BMP6: variants seen among roughly 807,000 people sequenced by gnomAD.
The protein encoded by BMP6 is VG-1-R.
In BMP6, 17 loss-of-function variants were observed where a neutral mutation model predicts 54.1. The observed-to-expected ratio is 0.31, with a 90% CI of 0.22 to 0.47. The LOEUF is 0.47. Among genes scored for constraint, BMP6 ranks in the 20% least tolerant of loss-of-function variants. The pLI, the probability that BMP6 is intolerant of heterozygous loss-of-function variation, is 1.00. For synonymous variants in BMP6, 328 were observed against 291.2 expected (o/e 1.13, Z -1.28); for missense variants, 720 against 690.4 (o/e 1.04, Z -0.48).
rs959571526 is a variant in BMP6, at chr6:7,880,573, A to G, written c.*230A>G. Reference sequence around the variant, plus strand: ...TAGCAAGCTGAGTTTGGATGTCTGTAGCATAAGGTCTGGTAACTGCAGAAA... The same window carrying G: ...TAGCAAGCTGAGTTTGGATGTCTGTGGCATAAGGTCTGGTAACTGCAGAAA... On this transcript the variant is annotated 3_prime_UTR_variant, in exon 7 of 7. Transcript: ENST00000283147. 4 of 587,194 alleles carry G rather than the reference A, an allele frequency of 6.8e-6. No individual in the cohort carries two copies. The highest frequency in any genetic ancestry group is 2.1e-5 in the South Asian group (1 of 46,688). 36.4% of individuals were successfully genotyped at this position (587,194 alleles called of 1,614,324 possible). A position where few individuals can be genotyped will look rare whatever the true frequency, so the allele number is the denominator to read the frequency against.
At position 7,861,587 on chromosome 6, in the gene BMP6, G is replaced by A. The variant is rs752947665; in HGVS notation, c.994G>A (p.Val332Met). Residue 332 changes from valine (V) to methionine (M), a missense_variant, in exon 3 of 7, where the codon GTG (valine) becomes ATG (methionine). Val to Met is a conservative substitution (Grantham distance 21, BLOSUM62 1). Coordinates refer to ENST00000283147, the MANE Select transcript of BMP6 (RefSeq NM_001718.6). Reference sequence around the variant, plus strand: ...TAACATGGGGCTTCAGCTGAGCGTGGTGACAAGGGATGGTAAGTTATTATC... The same window carrying A: ...TAACATGGGGCTTCAGCTGAGCGTGATGACAAGGGATGGTAAGTTATTATC... Reference protein sequence around the residue: ...QHNMGLQLSVVTRDGVHVHPR... With the variant: ...QHNMGLQLSVMTRDGVHVHPR... 9 of 1,614,118 alleles carry A rather than the reference G, an allele frequency of 5.6e-6. No homozygotes were observed. The highest frequency in any genetic ancestry group is 7.6e-6 in the Non-Finnish European group (9 of 1,180,012).
chr6:7,780,346 A>G (rs1385615415), intron 1 of BMP6, among the ~76,000 whole-genome samples: 1 of 152,092 alleles, frequency 6.6e-6, no homozygotes, highest in Non-Finnish European at 1.5e-5. Context: ...TCAGGAGCCC[A>G]AGACCAGCCT....
At chr6:7,790,846 T>C (rs1369347160) in intron 1 of BMP6, among the ~76,000 whole-genome samples, 2 of 152,212 alleles carry the variant, frequency 1.3e-5, no homozygotes, top group Non-Finnish European at 2.9e-5. Context: ...TCTAACATGA[T>C]TGACTCTGTT....
chr6:7,790,970 C>T lies in BMP6; in HGVS notation c.665-54170C>T, dbSNP rs143708320. ...GCTCCTTCCCATGAGCATTTATACA[C>T]GCTTGAGTCTGTCTGACAGAAACCT... On this transcript the variant is annotated intron_variant, in intron 1 of 6. Coordinates refer to ENST00000283147, the MANE Select transcript of BMP6 (RefSeq NM_001718.6). 4.1e-4 allele frequency among the ~76,000 whole-genome samples: 62 copies of T among 152,292 alleles called. 1 individual carries two copies. Among genetic ancestry groups the T allele is most frequent in the East Asian group, 2.5e-3 (13 of 5,180 alleles).
At chr6:7,782,375 GA>G (rs1757960955) in intron 1 of BMP6, among the ~76,000 whole-genome samples, 1 of 152,188 alleles carries the variant, frequency 6.6e-6, no homozygotes, top group Non-Finnish European at 1.5e-5. Flanking sequence ...GGCTGAAAGA[GA>G]GGTGGGGTAG....
chr6:7,764,796 A>G (rs1433183351), intron 1 of BMP6, among the ~76,000 whole-genome samples: 1 of 152,014 alleles, frequency 6.6e-6, no homozygotes, highest in African/African-American at 2.4e-5. Flanking sequence ...TCACATTTTT[A>G]TTACCGGAAG....
chr6:7,880,658 C>A lies in BMP6; in HGVS notation c.*315C>A. On this transcript the variant is annotated 3_prime_UTR_variant, in exon 7 of 7. Transcript: ENST00000283147. The stretch of plus-strand genomic sequence containing the variant: ...AAAAACCCACCAAAATTAGTTTTAG[C>A]TGTAGATCAAGCTATTTGGGGTGTT... 2.6e-6 allele frequency: 1 copy of A among 385,516 alleles called. No homozygotes were observed. Among genetic ancestry groups the A allele is most frequent in the South Asian group, 3.4e-5 (1 of 29,454 alleles). The allele number at this position is 385,516 out of a possible 1,614,324, so 23.9% of individuals were successfully genotyped here.
chr6:7,772,507 T>C (rs1456718483), intron 1 of BMP6, among the ~76,000 whole-genome samples: 1 of 152,158 alleles, frequency 6.6e-6, no homozygotes, highest in East Asian at 1.9e-4. Context: ...GCAAGCCAAA[T>C]CCCAAACTCA....
Position 7,726,548 on chromosome 6 carries a change from C to T in BMP6, c.-408C>T, listed in dbSNP as rs988424448. On this transcript the variant is annotated 5_prime_UTR_variant, in exon 1 of 7. Coordinates refer to ENST00000283147, the MANE Select transcript of BMP6 (RefSeq NM_001718.6). ...GCTCCCCGCTGCCCCGGGTCCCACTCAGTCGCCAGGGAGAGCGCGGGGCAG... is the reference window on the plus strand; with the variant it reads ...GCTCCCCGCTGCCCCGGGTCCCACTTAGTCGCCAGGGAGAGCGCGGGGCAG... Among the ~76,000 whole-genome samples, 1 of 152,162 alleles carries T rather than the reference C, an allele frequency of 6.6e-6. No homozygotes were observed. Among genetic ancestry groups the T allele is most frequent in the South Asian group, 2.1e-4 (1 of 4,834 alleles).
In BMP6 at chr6:7,845,123, CTT is replaced by C. The variant is rs759290904; in HGVS notation, c.665-16_665-15del. ...CAAGTAACAATAGTTGTCACTCTCT[CTT>C]GTTTAATCTTATAGTGGAGTACGAC... On this transcript the variant is annotated splice_polypyrimidine_tract_variant and intron_variant, in intron 1 of 6. Coordinates refer to ENST00000283147, the MANE Select transcript of BMP6 (RefSeq NM_001718.6). 2 of 1,602,234 alleles carry C rather than the reference CTT, an allele frequency of 1.2e-6. No individual in the cohort carries two copies. Among genetic ancestry groups the C allele is most frequent in the Non-Finnish European group, 1.7e-6 (2 of 1,171,872 alleles).
At chr6:7,821,232 G>T (rs973526500) in intron 1 of BMP6, among the ~76,000 whole-genome samples, 5 of 152,196 alleles carry the variant, frequency 3.3e-5, no homozygotes, top group African/African-American at 1.2e-4. Flanking sequence ...TTTGACCCAA[G>T]AACTGTGGGG....
At chr6:7,732,615 T>C (rs774566818) in intron 1 of BMP6, among the ~76,000 whole-genome samples, 16 of 152,326 alleles carry the variant, frequency 1.1e-4, no homozygotes, top group Non-Finnish European at 1.6e-4. Context: ...GTAACTACTT[T>C]ATATGTTGGA....
In BMP6 at chr6:7,765,017, G is replaced by A. The variant is rs951654724; in HGVS notation, c.664+37398G>A. ...TGACTTCCTGGCCAAATTTTTTCTCGATAGTGGGAGACTGGTCGAAAGTTT... is the reference window on the plus strand; with the variant it reads ...TGACTTCCTGGCCAAATTTTTTCTCAATAGTGGGAGACTGGTCGAAAGTTT... On this transcript the variant is annotated intron_variant, in intron 1 of 6. Transcript: ENST00000283147. Among the ~76,000 whole-genome samples, 8 of 152,206 alleles carry A rather than the reference G, an allele frequency of 5.3e-5. No individual in the cohort carries two copies. The East Asian group carries it at 1.5e-3, about 29-fold the overall frequency.
intron 1 of BMP6, among the ~76,000 whole-genome samples, chr6:7,771,593 T>C (rs373085546): frequency 1.2e-4 from 19 of 152,158 alleles, no homozygotes; most frequent in East Asian, 5.8e-4. Flanking sequence ...AGCCCAGGCA[T>C]ATTGACCCCA....
At chr6:7,756,378 T>C (rs1237478886) in intron 1 of BMP6, among the ~76,000 whole-genome samples, 1 of 152,228 alleles carries the variant, frequency 6.6e-6, no homozygotes. Flanking sequence ...TTCCTTCTCA[T>C]GCTCATGCTT....
chr6:7,799,433 A>AG (rs1455801901), intron 1 of BMP6, among the ~76,000 whole-genome samples: 5 of 152,194 alleles, frequency 3.3e-5, no homozygotes, highest in African/African-American at 4.8e-5. Context: ...AAAAGATCAA[A>AG]GTTATGATTT....
At chr6:7,815,523 A>C (rs1172718700) in intron 1 of BMP6, among the ~76,000 whole-genome samples, 1 of 152,220 alleles carries the variant, frequency 6.6e-6, no homozygotes, top group Non-Finnish European at 1.5e-5. Context: ...ACCTACTGTT[A>C]CTTTTGCTAA....
intron 1 of BMP6, among the ~76,000 whole-genome samples, chr6:7,769,685 A>T (rs1757753374): frequency 6.6e-6 from 1 of 152,116 alleles, no homozygotes; most frequent in Non-Finnish European, 1.5e-5. Context: ...TAGAAAAACA[A>T]TTCTTGTTAC....
rs1581299736 is a variant in BMP6, at chr6:7,881,519, T to TC, written c.*1176_*1177insC. 2 of 152,120 alleles carry TC rather than the reference T, an allele frequency of 1.3e-5. No individual in the cohort carries two copies. Among genetic ancestry groups the TC allele is most frequent in the Non-Finnish European group, 2.9e-5 (2 of 67,914 alleles). 9.4% of individuals were successfully genotyped at this position (152,120 alleles called of 1,614,324 possible). A position where few individuals can be genotyped will look rare whatever the true frequency, so the allele number is the denominator to read the frequency against. On this transcript the variant is annotated 3_prime_UTR_variant, in exon 7 of 7. Coordinates refer to ENST00000283147, the MANE Select transcript of BMP6 (RefSeq NM_001718.6). ...TAACATTGAAGGAAAGACCAGACTT[T>TC]TAAAAAAAAAGAGTTTATTTAGAAA... is the stretch of plus-strand genomic sequence containing the variant.
Sources: allele counts gnomAD v4.1 joint callset (sites outside exome capture counted in the v4.1 genomes callset), GRCh38; gene constraint gnomAD v4.1.1; transcripts MANE v1.5; gene names NCBI Gene and HGNC (gene_info 2026-07-23, HGNC 2026-07-21).